LSAMP: variants seen among roughly 807,000 people sequenced by gnomAD.
LSAMP encodes limbic system associated membrane protein, also known as limbic system-associated membrane protein.
In LSAMP, 7 loss-of-function variants were observed where a neutral mutation model predicts 38.6. The observed-to-expected ratio is 0.18, with a 90% CI of 0.10 to 0.34. The LOEUF is 0.34. Ranked by LOEUF, LSAMP falls within the 10% of genes least tolerant of loss-of-function variation. The probability of loss-of-function intolerance (pLI) is 1.00; values close to 1 mark genes in which losing one functional copy is unlikely to be tolerated. For synonymous variants in LSAMP, 154 were observed against 166.8 expected (o/e 0.92, Z 0.59); for missense variants, 313 against 420.0 (o/e 0.75, Z 2.23).
chr3:116,358,207 T>A (rs1156696827), intron 1 of LSAMP, among the ~76,000 whole-genome samples: 1 of 152,170 alleles, frequency 6.6e-6, no homozygotes, highest in East Asian at 1.9e-4. Flanking sequence ...AAAAGCTAAT[T>A]GCTTTTACTG....
chr3:116,148,098 G>A (rs1291137888), intron 1 of LSAMP, among the ~76,000 whole-genome samples: 2 of 148,140 alleles, frequency 1.4e-5, no homozygotes, highest in Non-Finnish European at 3.0e-5. Context: ...TAATTTGCTT[G>A]TTCTACAAAA....
intron 4 of LSAMP, among the ~76,000 whole-genome samples, chr3:115,846,012 C>A (rs1019222017): frequency 6.6e-6 from 1 of 152,128 alleles, no homozygotes. Context: ...TTTCAAATGA[C>A]ACCATGGTGC....
Position 115,980,146 on chromosome 3 carries a change from T to C in LSAMP, c.514+39369A>G, listed in dbSNP as rs61139989. Among the ~76,000 whole-genome samples, 251 of 152,264 alleles carry C rather than the reference T, an allele frequency of 1.6e-3. 1 individual carries two copies. The highest frequency in any genetic ancestry group is 0.01 in the Middle Eastern group (3 of 294). ...TTTAACCTAGAATTGGAAGAAGATA[T>C]TTTAACATTCATGAAGTAAAATATT... On this transcript the variant is annotated intron_variant, in intron 3 of 6. Coordinates refer to ENST00000490035, the MANE Select transcript of LSAMP (RefSeq NM_002338.5).
At chr3:115,901,966 G>A (rs551988957) in intron 3 of LSAMP, among the ~76,000 whole-genome samples, 6 of 151,778 alleles carry the variant, frequency 4.0e-5, no homozygotes, top group Non-Finnish European at 8.8e-5. Flanking sequence ...AGCAATCAAT[G>A]ATAAAATTTA....
intron 3 of LSAMP, among the ~76,000 whole-genome samples, chr3:115,901,101 G>A (rs1423587357): frequency 2.0e-5 from 3 of 152,064 alleles, no homozygotes; most frequent in African/African-American, 4.8e-5. Context: ...AGCAGTAGGA[G>A]CATGCTTATG....
intron 3 of LSAMP, among the ~76,000 whole-genome samples, chr3:115,854,483 C>G (rs1421293783): frequency 2.0e-5 from 3 of 151,636 alleles, no homozygotes; most frequent in African/African-American, 7.3e-5. Context: ...GGGGTTTCAC[C>G]GTGTTAGCCA....
chr3:115,880,972 A>G lies in LSAMP; in HGVS notation c.515-28355T>C, dbSNP rs532913619. Among the ~76,000 whole-genome samples, 7 of 152,136 alleles carry G rather than the reference A, an allele frequency of 4.6e-5. No homozygotes were observed. In the East Asian group the frequency reaches 1.4e-3, roughly 29 times the overall value. ...AGAATCCATTGAACCCAAGAGGCCG[A>G]GGTTGCAGTGAACCGATTGTGCCAC... On this transcript the variant is annotated intron_variant, in intron 3 of 6. Coordinates refer to ENST00000490035, the MANE Select transcript of LSAMP (RefSeq NM_002338.5).
At chr3:116,051,069 A>G (rs945741604) in intron 2 of LSAMP, 1 of 152,162 alleles carries the variant, frequency 6.6e-6, no homozygotes, top group Non-Finnish European at 1.5e-5. Flanking sequence ...GCAGTGAGGG[A>G]CATATTTGGG....
chr3:116,141,417 GAAAAA>G (rs34946276), intron 1 of LSAMP, among the ~76,000 whole-genome samples: 1 of 151,102 alleles, frequency 6.6e-6, no homozygotes. Flanking sequence ...ATTATACCTA[GAAAAA>G]AAAAGTAGCA....
At chr3:115,877,519 A>G (rs1008480859) in intron 3 of LSAMP, among the ~76,000 whole-genome samples, 7 of 152,118 alleles carry the variant, frequency 4.6e-5, no homozygotes, top group Admixed American at 3.3e-4. Flanking sequence ...TAAAAACAGA[A>G]CGACAATGTA....
intron 1 of LSAMP, among the ~76,000 whole-genome samples, chr3:116,119,753 G>A (rs1284203949): frequency 6.6e-6 from 1 of 150,416 alleles, no homozygotes; most frequent in Non-Finnish European, 1.5e-5. Context: ...TTGCCACCCC[G>A]ATTCAAGTGA....
Position 116,270,184 on chromosome 3 carries a change from A to AGTAT in LSAMP, c.155+174689_155+174692dup, listed in dbSNP as rs965736099. Among the ~76,000 whole-genome samples, 110 of 152,252 alleles carry AGTAT rather than the reference A, an allele frequency of 7.2e-4. 1 individual carries two copies. Among genetic ancestry groups the AGTAT allele is most frequent in the African/African-American group, 2.6e-3 (106 of 41,558 alleles). On this transcript the variant is annotated intron_variant, in intron 1 of 6. Coordinates refer to ENST00000490035, the MANE Select transcript of LSAMP (RefSeq NM_002338.5). ...TTTTTATATGAAACATGTCCTAATA[A>AGTAT]GTATGTCATTGGTCAATTAGTCACC...
intron 1 of LSAMP, among the ~76,000 whole-genome samples, chr3:116,246,196 A>G (rs139347178): frequency 1.6e-3 from 242 of 152,314 alleles, no homozygotes; most frequent in African/African-American, 5.5e-3. Flanking sequence ...TCAAGCCTTC[A>G]ATAGTTCCTA....
At chr3:116,259,525 G>A (rs973330515) in intron 1 of LSAMP, among the ~76,000 whole-genome samples, 10 of 152,048 alleles carry the variant, frequency 6.6e-5, no homozygotes, top group African/African-American at 2.2e-4. Context: ...ATATGTGTTT[G>A]TGTCATATTT....
At chr3:116,403,154 T>G (rs2048859474) in intron 1 of LSAMP, among the ~76,000 whole-genome samples, 1 of 152,188 alleles carries the variant, frequency 6.6e-6, no homozygotes, top group Non-Finnish European at 1.5e-5. Context: ...TTTTTGAAAG[T>G]GAAATGGATG....
intron 1 of LSAMP, among the ~76,000 whole-genome samples, chr3:116,230,150 TACAC>T (rs1397682180): frequency 2.0e-5 from 3 of 152,158 alleles, no homozygotes; most frequent in Non-Finnish European, 4.4e-5. Context: ...TGCCAAAGAA[TACAC>T]ACAAGTTGCA....
At chr3:116,160,077 G>T (rs1023862662) in intron 1 of LSAMP, among the ~76,000 whole-genome samples, 6 of 152,094 alleles carry the variant, frequency 3.9e-5, no homozygotes, top group African/African-American at 1.4e-4. Flanking sequence ...GGCCTACTCA[G>T]GGGTAGAGGG....
At chr3:116,208,171 C>T (rs1487765983) in intron 1 of LSAMP, among the ~76,000 whole-genome samples, 3 of 151,956 alleles carry the variant, frequency 2.0e-5, no homozygotes, top group South Asian at 4.2e-4. Flanking sequence ...TCACTGATAC[C>T]CTTTCTTCCA....
Position 115,809,900 on chromosome 3 carries a change from A to G in LSAMP, c.*417T>C, listed in dbSNP as rs913606727. 6.3e-6 allele frequency: 1 copy of G among 158,484 alleles called. No individual in the cohort carries two copies. The allele number at this position is 158,484 out of a possible 1,614,324, so 9.8% of individuals were successfully genotyped here. Reference sequence around the variant, plus strand: ...TTATGGAAATATAAACACCAAAGGCAAGACCTTATTTTCTTCCCCACAGAT... The same window carrying G: ...TTATGGAAATATAAACACCAAAGGCGAGACCTTATTTTCTTCCCCACAGAT... On this transcript the variant is annotated 3_prime_UTR_variant, in exon 7 of 7. Coordinates refer to ENST00000490035, the MANE Select transcript of LSAMP (RefSeq NM_002338.5).
Sources: allele counts gnomAD v4.1 joint callset (sites outside exome capture counted in the v4.1 genomes callset), GRCh38; gene constraint gnomAD v4.1.1; transcripts MANE v1.5; gene names NCBI Gene and HGNC (gene_info 2026-07-23, HGNC 2026-07-21).